FRMD3: variants seen among roughly 807,000 people sequenced by gnomAD.
The protein encoded by FRMD3 is FERM domain-containing protein 3.
A neutral mutation model predicts 70.2 loss-of-function variants in FRMD3; 33 were observed. The observed-to-expected ratio is 0.47, with a 90% CI of 0.36 to 0.63. The LOEUF (loss-of-function observed/expected upper bound fraction) is 0.63. Ranked by LOEUF, FRMD3 falls within the 20% of genes least tolerant of loss-of-function variation. FRMD3 has a pLI of 0.00. For synonymous variants in FRMD3, 279 were observed against 255.9 expected, an observed-to-expected ratio of 1.09 and a Z score of -0.86; for missense variants, 632 against 711.4, an observed-to-expected ratio of 0.89 and a Z score of 1.27.
At chr9:83,402,365 G>A (rs1825973736) in intron 1 of FRMD3, among the ~76,000 whole-genome samples, 1 of 151,040 alleles carries the variant, frequency 6.6e-6, no homozygotes, top group African/African-American at 2.4e-5. Flanking sequence ...TAGAACCTCT[G>A]CACACTCTGT....
intron 1 of FRMD3, among the ~76,000 whole-genome samples, chr9:83,446,697 C>T (rs964005344): frequency 6.7e-6 from 1 of 149,660 alleles, no homozygotes; most frequent in Admixed American, 6.7e-5. Context: ...GACGTCCACA[C>T]GGAAGAAAAG....
chr9:83,342,043 A>C (rs945505510), intron 5 of FRMD3, among the ~76,000 whole-genome samples: 14 of 139,654 alleles, frequency 1.0e-4, no homozygotes, highest in Admixed American at 2.2e-4. Context: ...TGACATAGTC[A>C]TCTCTCTCTC....
intron 1 of FRMD3, among the ~76,000 whole-genome samples, chr9:83,429,222 T>G (rs1412936157): frequency 2.0e-5 from 3 of 152,132 alleles, no homozygotes. Context: ...ATGCCTCCCG[T>G]CACATCTGAA....
chr9:83,571,441 G>A, the FRMD3 span, among the ~76,000 whole-genome samples: 1 of 152,172 alleles, frequency 6.6e-6, no homozygotes, highest in Non-Finnish European at 1.5e-5. Flanking sequence ...TTTGACTTGA[G>A]CAACCAAAAG....
At chr9:83,475,670 C>T (rs980237252) in intron 1 of FRMD3, among the ~76,000 whole-genome samples, 153 of 152,138 alleles carry the variant, frequency 1.0e-3, no homozygotes, top group African/African-American at 3.4e-3. Context: ...TTTTTCAAAA[C>T]ATATTTATAA....
At chr9:83,283,594 T>A (rs1834069531) in intron 13 of FRMD3, among the ~76,000 whole-genome samples, 1 of 151,640 alleles carries the variant, frequency 6.6e-6, no homozygotes, top group African/African-American at 2.4e-5. Context: ...TTGTGATAAT[T>A]CTGAATTTTT....
intron 1 of FRMD3, among the ~76,000 whole-genome samples, chr9:83,412,733 G>A (rs984428646): frequency 3.3e-5 from 5 of 152,104 alleles, no homozygotes; most frequent in African/African-American, 7.2e-5. Context: ...GGTGGCTCAC[G>A]CCTGTAATCC....
the FRMD3 span, among the ~76,000 whole-genome samples, chr9:83,568,434 A>C: frequency 6.6e-6 from 1 of 152,228 alleles, no homozygotes; most frequent in Non-Finnish European, 1.5e-5. Context: ...TATTTTTAAA[A>C]CACATATCAA....
intron 13 of FRMD3, among the ~76,000 whole-genome samples, chr9:83,265,630 A>G (rs1833222875): frequency 6.6e-6 from 1 of 152,206 alleles, no homozygotes; most frequent in African/African-American, 2.4e-5. Context: ...ATACACAATT[A>G]TTTGAAAAGA....
chr9:83,434,499 C>T (rs965810367), intron 1 of FRMD3, among the ~76,000 whole-genome samples: 4 of 152,224 alleles, frequency 2.6e-5, no homozygotes, highest in Non-Finnish European at 4.4e-5. Context: ...GCCCATGGCA[C>T]TCACAAGCCC....
intron 13 of FRMD3, among the ~76,000 whole-genome samples, chr9:83,282,237 T>C (rs1020375108): frequency 3.9e-5 from 6 of 152,250 alleles, no homozygotes; most frequent in African/African-American, 1.4e-4. Flanking sequence ...AAACATTTTC[T>C]ACGAAGGCTT....
At position 83,345,886 on chromosome 9, in the gene FRMD3, C is replaced by T. The variant is rs558011759; in HGVS notation, c.375-2599G>A. 3.3e-5 allele frequency among the ~76,000 whole-genome samples: 5 copies of T among 152,214 alleles called. No individual in the cohort carries two copies. In the South Asian group the frequency reaches 1.0e-3, roughly 32 times the overall value. On this transcript the variant is annotated intron_variant, in intron 4 of 13. Transcript: ENST00000304195. ...TGGGCTTCTGGATCCTACCCCAGAC[C>T]CAATGAAATCAGAATCTAGGCCCTC...
At chr9:83,545,592 C>T in the FRMD3 span, among the ~76,000 whole-genome samples, 5 of 151,790 alleles carry the variant, frequency 3.3e-5, no homozygotes, top group South Asian at 4.2e-4. Context: ...CTCCTGACCT[C>T]GTGATCTGCC....
chr9:83,298,843 T>G, intron 11 of FRMD3, 27 bp from the exon 12 acceptor site: 1 of 1,602,708 alleles, frequency 6.2e-7, no homozygotes, highest in African/African-American at 1.3e-5. Context: ...CACATGTGTA[T>G]GCACACATAG....
chr9:83,469,058 G>C (rs546789865), intron 1 of FRMD3, among the ~76,000 whole-genome samples: 7 of 152,354 alleles, frequency 4.6e-5, no homozygotes, highest in South Asian at 4.1e-4. Flanking sequence ...ATCCAGGCAT[G>C]CTGCCCCAAT....
intron 10 of FRMD3, among the ~76,000 whole-genome samples, chr9:83,304,353 T>C (rs372300690): frequency 6.6e-6 from 1 of 152,176 alleles, no homozygotes; most frequent in African/African-American, 2.4e-5. Flanking sequence ...AGAACCTTAT[T>C]ACTTGGAGTG....
intron 10 of FRMD3, among the ~76,000 whole-genome samples, chr9:83,301,147 G>C (rs1176078439): frequency 2.6e-5 from 4 of 152,180 alleles, no homozygotes; most frequent in Non-Finnish European, 4.4e-5. Context: ...ATGGCCCTGG[G>C]GGGGGCCCTG....
At chr9:83,410,030 G>C (rs1183037017) in intron 1 of FRMD3, among the ~76,000 whole-genome samples, 3 of 152,124 alleles carry the variant, frequency 2.0e-5, no homozygotes, top group Non-Finnish European at 4.4e-5. Context: ...TCCTAATCTT[G>C]CTTTCATCAG....
At chr9:83,409,557 T>C (rs1359232520) in intron 1 of FRMD3, among the ~76,000 whole-genome samples, 5 of 152,224 alleles carry the variant, frequency 3.3e-5, no homozygotes, top group Non-Finnish European at 4.4e-5. Flanking sequence ...TCAGAGGAAA[T>C]TGGCCACAGC....
Sources: gnomAD v4.1 joint callset for allele counts (sites outside exome capture counted in the v4.1 genomes callset) on GRCh38, gnomAD v4.1.1 for gene constraint, MANE v1.5 for transcripts, NCBI Gene and HGNC (gene_info 2026-07-23, HGNC 2026-07-21) for gene names.